The following FGF14 variants were observed in gnomAD, a reference collection of about 807,000 sequenced individuals.
The protein encoded by FGF14 is fibroblast growth factor 14, also known as fibroblast growth factor homologous factor 4.
Under a neutral mutation model 25.5 loss-of-function variants are expected in FGF14, and 5 were observed. The ratio of observed to expected loss-of-function variants is 0.20; its 90% CI spans 0.10 to 0.41. The LOEUF (loss-of-function observed/expected upper bound fraction) is 0.41. FGF14 is among the 10% of genes least tolerant of loss of function. The probability of loss-of-function intolerance (pLI) is 1.00; values close to 1 mark genes in which losing one functional copy is unlikely to be tolerated. For synonymous variants in FGF14, 138 were observed against 118.3 expected (o/e 1.17, Z -1.08); for missense variants, 222 against 320.1 (o/e 0.69, Z 2.34).
intron 1 of FGF14, among the ~76,000 whole-genome samples, chr13:102,150,884 A>G (rs547511982): frequency 2.0e-5 from 3 of 152,324 alleles, no homozygotes; most frequent in South Asian, 4.1e-4. Flanking sequence ...ACAATTAATC[A>G]TCTAGCCCCA....
At chr13:102,059,677 C>G (rs902978868) in intron 1 of FGF14, among the ~76,000 whole-genome samples, 1 of 151,842 alleles carries the variant, frequency 6.6e-6, no homozygotes, top group African/African-American at 2.4e-5. Context: ...GTGGTGAAAC[C>G]ACGTCTCTAC....
intron 1 of FGF14, among the ~76,000 whole-genome samples, chr13:102,128,282 A>G (rs994564815): frequency 1.5e-5 from 2 of 132,130 alleles, no homozygotes; most frequent in Admixed American, 7.3e-5. Context: ...CTGTCGGCTA[A>G]TATCATTACT....
At position 102,161,642 on chromosome 13, in the gene FGF14, A is replaced by AG. The variant is rs2047725391; in HGVS notation, c.208+239828dup. 4.7e-4 allele frequency among the ~76,000 whole-genome samples: 5 copies of AG among 10,666 alleles called. 1 individual carries two copies. Among genetic ancestry groups the AG allele is most frequent in the Non-Finnish European group, 8.4e-4 (5 of 5,966 alleles). 7.0% of individuals were successfully genotyped at this position (10,666 alleles called of 152,430 possible). ...AAGAAGAAGAAGAAGAAGAAGAAGA[A>AG]GAAGAAGAAGAAGAAGAAGAAGAAG... On this transcript the variant is annotated intron_variant, in intron 1 of 4. Transcript: ENST00000376131.
intron 1 of FGF14, among the ~76,000 whole-genome samples, chr13:101,947,688 G>A (rs1011385424): frequency 6.6e-6 from 1 of 152,134 alleles, no homozygotes; most frequent in East Asian, 1.9e-4. Flanking sequence ...ACTACTAGAG[G>A]GGGTAGGGAG....
At chr13:101,944,885 G>A (rs963249739) in intron 1 of FGF14, among the ~76,000 whole-genome samples, 2 of 152,276 alleles carry the variant, frequency 1.3e-5, no homozygotes, top group South Asian at 2.1e-4. Context: ...AGGATGGAGT[G>A]GGGAGGGAGT....
chr13:101,927,215 C>T (rs1387608237), intron 1 of FGF14, among the ~76,000 whole-genome samples: 1 of 152,126 alleles, frequency 6.6e-6, no homozygotes, highest in South Asian at 2.1e-4. Context: ...TCAGGAATAG[C>T]GGCCATTGCA....
chr13:102,166,718 G>C (rs1343178413), intron 1 of FGF14, among the ~76,000 whole-genome samples: 4 of 152,148 alleles, frequency 2.6e-5, no homozygotes. Context: ...CGCTGGTCAT[G>C]AGTTCAATGC....
At chr13:101,922,837 GTTTT>G (rs369063775) in intron 1 of FGF14, among the ~76,000 whole-genome samples, 2,670 of 148,688 alleles carry the variant, frequency 0.018, 80 homozygotes, top group African/African-American at 0.06. Flanking sequence ...CCTGGATTTT[GTTTT>G]TTATTTATCC....
At chr13:101,817,439 T>C (rs1022045714) in intron 3 of FGF14, among the ~76,000 whole-genome samples, 7 of 152,162 alleles carry the variant, frequency 4.6e-5, no homozygotes, top group African/African-American at 1.7e-4. Flanking sequence ...TATCTTCAAA[T>C]TTAAAAAAAG....
chr13:102,022,983 C>T (rs1052055360), intron 1 of FGF14, among the ~76,000 whole-genome samples: 1 of 81,046 alleles, frequency 1.2e-5, no homozygotes, highest in African/African-American at 3.7e-5. Context: ...GGAAGGGCCT[C>T]TACTCTAAAG....
chr13:102,348,216 C>T (rs968493030), intron 1 of FGF14, among the ~76,000 whole-genome samples: 4 of 152,150 alleles, frequency 2.6e-5, no homozygotes, highest in Non-Finnish European at 5.9e-5. Context: ...AAATGTGTTA[C>T]TATAGTCGAA....
At chr13:101,967,590 A>G (rs2037294620) in intron 1 of FGF14, 1 of 152,638 alleles carries the variant, frequency 6.6e-6, no homozygotes, top group Non-Finnish European at 1.5e-5. Flanking sequence ...CTGTTTTTAA[A>G]TGTTCTCCTC....
At chr13:102,213,205 C>T (rs1181402979) in intron 1 of FGF14, among the ~76,000 whole-genome samples, 3 of 152,162 alleles carry the variant, frequency 2.0e-5, no homozygotes, top group Non-Finnish European at 4.4e-5. Context: ...GGAATTCTGC[C>T]GTTACCTTTT....
At chr13:101,740,108 T>G (rs549954917) in intron 3 of FGF14, among the ~76,000 whole-genome samples, 1 of 152,282 alleles carries the variant, frequency 6.6e-6, no homozygotes, top group East Asian at 1.9e-4. Context: ...GTGAAATCTT[T>G]AGTGTTGTGA....
intron 1 of FGF14, among the ~76,000 whole-genome samples, chr13:101,892,107 T>C (rs2029868965): frequency 6.6e-6 from 1 of 152,152 alleles, no homozygotes; most frequent in African/African-American, 2.4e-5. Flanking sequence ...AGAGTTTGCA[T>C]AGCAAGGAAA....
At chr13:102,316,564 C>A (rs982318449) in intron 1 of FGF14, among the ~76,000 whole-genome samples, 1 of 152,230 alleles carries the variant, frequency 6.6e-6, no homozygotes, top group Non-Finnish European at 1.5e-5. Context: ...CATTGAGAAC[C>A]ACTTAGGACA....
chr13:102,025,511 T>TA (rs1870825025), intron 1 of FGF14, among the ~76,000 whole-genome samples: 1 of 151,930 alleles, frequency 6.6e-6, no homozygotes, highest in Admixed American at 6.6e-5. Flanking sequence ...AGGGTTCAAG[T>TA]GATTCTCATG....
At chr13:102,023,519 G>A (rs1162747625) in intron 1 of FGF14, among the ~76,000 whole-genome samples, 1 of 151,830 alleles carries the variant, frequency 6.6e-6, no homozygotes, top group African/African-American at 2.4e-5. Context: ...TCTTGTGGTT[G>A]TACAACATCA....
intron 1 of FGF14, among the ~76,000 whole-genome samples, chr13:102,233,140 T>C (rs952931436): frequency 2.0e-5 from 3 of 152,056 alleles, no homozygotes; most frequent in African/African-American, 7.2e-5. Flanking sequence ...TTGTTGTTGT[T>C]GTTGTTGTTT....
Sources: allele counts gnomAD v4.1 joint callset (sites outside exome capture counted in the v4.1 genomes callset), GRCh38; gene constraint gnomAD v4.1.1; transcripts MANE v1.5; gene names NCBI Gene and HGNC (gene_info 2026-07-23, HGNC 2026-07-21).